Variants in AUTS2 observed in about 807,000 individuals in gnomAD.
AUTS2 encodes the protein autism susceptibility gene 2 protein.
AUTS2 carries 17 observed loss-of-function variants against 112.4 expected under a neutral mutation model. The observed-to-expected ratio is 0.15, with a 90% confidence interval of 0.10 to 0.23. The LOEUF is 0.23. Among genes scored for constraint, AUTS2 ranks in the 10% least tolerant of loss-of-function variants. The probability of loss-of-function intolerance (pLI) is 1.00; values close to 1 mark genes in which losing one functional copy is unlikely to be tolerated. For missense variants in AUTS2, 1,510 were observed against 1,701.6 expected, an observed-to-expected ratio of 0.89 and a Z score of 1.98; for synonymous variants, 751 against 702.7, an observed-to-expected ratio of 1.07 and a Z score of -1.09.
At chr7:69,771,120 C>T (rs1463178255) in intron 1 of AUTS2, among the ~76,000 whole-genome samples, 1 of 152,166 alleles carries the variant, frequency 6.6e-6, no homozygotes, top group East Asian at 1.9e-4. Context: ...TTCCCCTGGC[C>T]ACTGTGCACT....
At chr7:70,271,777 G>T (rs960039983) in intron 4 of AUTS2, among the ~76,000 whole-genome samples, 3 of 152,134 alleles carry the variant, frequency 2.0e-5, no homozygotes, top group Non-Finnish European at 4.4e-5. Flanking sequence ...AGGGCCACTG[G>T]CCAGTATGAG....
At chr7:69,844,500 C>T (rs1036973702) in intron 1 of AUTS2, among the ~76,000 whole-genome samples, 1 of 151,894 alleles carries the variant, frequency 6.6e-6, no homozygotes. Context: ...TTCCAAGACA[C>T]CAGAGAGGAA....
chr7:69,973,267 ATGT>A (rs904510289), intron 2 of AUTS2, among the ~76,000 whole-genome samples: 82 of 152,296 alleles, frequency 5.4e-4, no homozygotes, highest in African/African-American at 1.8e-3. Flanking sequence ...TTATTTTCAA[ATGT>A]TGTTTTTTGT....
At chr7:70,095,486 A>G (rs755409962) in intron 2 of AUTS2, among the ~76,000 whole-genome samples, 32 of 152,182 alleles carry the variant, frequency 2.1e-4, no homozygotes, top group Non-Finnish European at 4.0e-4. Flanking sequence ...GTGGTAATGA[A>G]TGGGCATTAA....
At chr7:69,963,302 GAT>G (rs1797503985) in intron 2 of AUTS2, among the ~76,000 whole-genome samples, 1 of 151,934 alleles carries the variant, frequency 6.6e-6, no homozygotes, top group South Asian at 2.1e-4. Context: ...AAACATTAAA[GAT>G]AAATTAGAGA....
rs954707439 is a variant in AUTS2, at chr7:69,598,717, C to T, written c.-937C>T. ...TCCTCATCGACTGACTGACTCACCC[C>T]CTCCCTTTTTTGAGGAAGGGTGACC... On this transcript the variant is annotated 5_prime_UTR_variant, in exon 1 of 19. Transcript: ENST00000342771. 6.5e-6 allele frequency: 1 copy of T among 153,642 alleles called. No homozygotes were observed. The highest frequency in any genetic ancestry group is 2.4e-5 in the African/African-American group (1 of 41,442). 9.5% of individuals were successfully genotyped at this position (153,642 alleles called of 1,614,324 possible). A position where few individuals can be genotyped will look rare whatever the true frequency, so the allele number is the denominator to read the frequency against.
intron 2 of AUTS2, among the ~76,000 whole-genome samples, chr7:70,031,986 T>A (rs1208907184): frequency 6.6e-6 from 1 of 152,152 alleles, no homozygotes; most frequent in Non-Finnish European, 1.5e-5. Flanking sequence ...TGAGATCATC[T>A]TATGAAGTGA....
intron 4 of AUTS2, among the ~76,000 whole-genome samples, chr7:70,272,043 C>T (rs1376647274): frequency 1.3e-5 from 2 of 152,116 alleles, no homozygotes; most frequent in Non-Finnish European, 1.5e-5. Flanking sequence ...ATTGAGCCTG[C>T]GTCTCTCCTG....
At position 70,271,923 on chromosome 7, in the gene AUTS2, C is replaced by T. The variant is rs187977643; in HGVS notation, c.660+137352C>T. On this transcript the variant is annotated intron_variant, in intron 4 of 18. Transcript: ENST00000342771. The stretch of plus-strand genomic sequence containing the variant: ...CAGGTTCAATGTAATTTCATGTTCA[C>T]GGGCAGGGAGGGATGTGTGCTGCAT... Among the ~76,000 whole-genome samples the T allele has an allele frequency of 1.3e-4, 20 of 152,216 alleles. 1 individual carries two copies. Among genetic ancestry groups the T allele is most frequent in the Admixed American group, 4.6e-4 (7 of 15,286 alleles).
chr7:70,096,019 C>T (rs1804178080), intron 2 of AUTS2, among the ~76,000 whole-genome samples: 1 of 152,174 alleles, frequency 6.6e-6, no homozygotes, highest in Non-Finnish European at 1.5e-5. Flanking sequence ...TTCCTCTTCA[C>T]TGGTATCTCC....
chr7:70,710,876 T>C (rs79138262), intron 6 of AUTS2, among the ~76,000 whole-genome samples: 2,705 of 152,348 alleles, frequency 0.018, 46 homozygotes, highest in South Asian at 0.062. Context: ...CACTTTGTGG[T>C]TTTGTTTTGT....
chr7:70,386,492 C>T (rs1562928268), intron 4 of AUTS2, among the ~76,000 whole-genome samples: 1 of 152,232 alleles, frequency 6.6e-6, no homozygotes, highest in East Asian at 1.9e-4. Flanking sequence ...ACATTTTCAT[C>T]AACTAAAAAG....
chr7:69,988,771 A>C (rs1421437732), intron 2 of AUTS2, among the ~76,000 whole-genome samples: 2 of 152,204 alleles, frequency 1.3e-5, no homozygotes, highest in Non-Finnish European at 1.5e-5. Context: ...ATCTAAACTG[A>C]AAAATTAGAC....
intron 5 of AUTS2, among the ~76,000 whole-genome samples, chr7:70,478,572 A>G (rs1249786803): frequency 6.6e-6 from 1 of 151,992 alleles, no homozygotes; most frequent in Non-Finnish European, 1.5e-5. Context: ...ACTCAACCCT[A>G]TTTATCCTTT....
At chr7:69,707,476 G>A (rs906295728) in intron 1 of AUTS2, among the ~76,000 whole-genome samples, 3 of 152,160 alleles carry the variant, frequency 2.0e-5, no homozygotes, top group African/African-American at 7.2e-5. Context: ...CTTTCAATTG[G>A]TGTCAAAATT....
chr7:70,311,185 C>T (rs1405129089), intron 4 of AUTS2, among the ~76,000 whole-genome samples: 1 of 152,116 alleles, frequency 6.6e-6, no homozygotes, highest in Admixed American at 6.5e-5. Context: ...TTATTGTACT[C>T]ATCTGTAGAA....
At chr7:70,400,346 C>G (rs927863807) in intron 4 of AUTS2, among the ~76,000 whole-genome samples, 1 of 152,128 alleles carries the variant, frequency 6.6e-6, no homozygotes, top group Non-Finnish European at 1.5e-5. Flanking sequence ...ATCCTTGTTG[C>G]AAGATGTTTA....
chr7:69,811,138 G>A (rs1562899152), intron 1 of AUTS2, among the ~76,000 whole-genome samples: 1 of 152,072 alleles, frequency 6.6e-6, no homozygotes, highest in Non-Finnish European at 1.5e-5. Flanking sequence ...TCTACCTGCC[G>A]TTGACTGGGT....
At position 69,988,482 on chromosome 7, in the gene AUTS2, C is replaced by T. The variant is rs540792060; in HGVS notation, c.522+88984C>T. 8.5e-5 allele frequency among the ~76,000 whole-genome samples: 13 copies of T among 152,294 alleles called. No individual in the cohort carries two copies. In the South Asian group the frequency reaches 2.7e-3, roughly 32 times the overall value. On this transcript the variant is annotated intron_variant, in intron 2 of 18. Transcript: ENST00000342771. ...GCATGGATAACATTTAATGCCAGCTCTCATAATTATGCATCACTTGTTGAA... is the reference window on the plus strand; with the variant it reads ...GCATGGATAACATTTAATGCCAGCTTTCATAATTATGCATCACTTGTTGAA...
Sources: allele counts gnomAD v4.1 joint callset (sites outside exome capture counted in the v4.1 genomes callset), GRCh38; gene constraint gnomAD v4.1.1; transcripts MANE v1.5; gene names NCBI Gene and HGNC (gene_info 2026-07-23, HGNC 2026-07-21).